CNTNAP2: variants seen among roughly 807,000 people sequenced by gnomAD.
CNTNAP2 encodes contactin associated protein 2.
CNTNAP2 carries 98 observed loss-of-function variants against 155.2 expected under a neutral mutation model. That is an observed-to-expected ratio of 0.63 (90% CI 0.54 to 0.75). CNTNAP2 has a LOEUF of 0.75. CNTNAP2 is among the 30% of genes least tolerant of loss of function. The pLI is 0.00. For synonymous variants in CNTNAP2, 651 were observed against 631.2 expected (o/e 1.03, Z -0.47); for missense variants, 1,727 against 1,688.1 (o/e 1.02, Z -0.40).
intron 8 of CNTNAP2, among the ~76,000 whole-genome samples, chr7:147,290,645 T>C (rs1352945351): frequency 7.4e-6 from 1 of 136,002 alleles, no homozygotes; most frequent in Non-Finnish European, 1.5e-5. Context: ...ATTGCACCAC[T>C]GCACTCCAGC....
intron 9 of CNTNAP2, among the ~76,000 whole-genome samples, chr7:147,370,729 C>T (rs1212547251): frequency 5.3e-5 from 8 of 152,092 alleles, no homozygotes; most frequent in Non-Finnish European, 1.0e-4. Context: ...GACTTCCTGA[C>T]TACTGTCTTT....
At chr7:147,904,025 A>T (rs1051598370) in intron 14 of CNTNAP2, among the ~76,000 whole-genome samples, 42 of 152,306 alleles carry the variant, frequency 2.8e-4, no homozygotes, top group African/African-American at 8.7e-4. Context: ...TGTGCTGTGT[A>T]ACAATAGAGG....
intron 3 of CNTNAP2, among the ~76,000 whole-genome samples, chr7:146,906,737 C>G (rs986147373): frequency 2.6e-5 from 4 of 152,158 alleles, no homozygotes; most frequent in African/African-American, 9.7e-5. Context: ...CTCTAAAACG[C>G]AGAACACCTC....
At chr7:147,133,505 C>T (rs1801418228) in intron 8 of CNTNAP2, among the ~76,000 whole-genome samples, 1 of 151,930 alleles carries the variant, frequency 6.6e-6, no homozygotes, top group African/African-American at 2.4e-5. Flanking sequence ...GTTTCTAACA[C>T]ACTATGATTT....
rs146201964 is a variant in CNTNAP2 at position 147,128,768 on chromosome 7, A to G, written c.1015A>G (p.Ser339Gly). The G allele has an allele frequency of 6.2e-7, 1 of 1,614,146 alleles. No homozygotes were observed. Among genetic ancestry groups the G allele is most frequent in the East Asian group, 2.2e-5 (1 of 44,878 alleles). Residue 339 changes from serine to glycine, a missense_variant, in exon 7 of 24, where the codon AGC becomes GGC. Ser to Gly is a moderately conservative substitution (Grantham distance 56). Transcript: ENST00000361727. The part of the protein sequence containing the change: ...SRKNFKGCME[S>G]INYNGVNITD... The stretch of plus-strand genomic sequence containing the variant: ...AAAGAATTTCAAAGGCTGCATGGAA[A>G]GCATCAACTACAATGGCGTCAACAT...
intron 18 of CNTNAP2, among the ~76,000 whole-genome samples, chr7:148,198,148 G>A (rs1056685026): frequency 6.6e-6 from 1 of 152,204 alleles, no homozygotes; most frequent in Non-Finnish European, 1.5e-5. Context: ...ACTGACCCAA[G>A]CCTGTAGCGA....
chr7:146,737,487 A>G (rs1585066669), intron 1 of CNTNAP2, among the ~76,000 whole-genome samples: 1 of 152,108 alleles, frequency 6.6e-6, no homozygotes, highest in African/African-American at 2.4e-5. Context: ...TATGGGATGA[A>G]CTTTCTTAGA....
intron 5 of CNTNAP2, among the ~76,000 whole-genome samples, chr7:147,111,389 A>G (rs934823523): frequency 4.6e-5 from 7 of 152,114 alleles, no homozygotes; most frequent in Non-Finnish European, 8.8e-5. Context: ...CCATCTGTCA[A>G]TTTTTGCTTT....
chr7:148,403,652 C>G (rs952036854), intron 22 of CNTNAP2, among the ~76,000 whole-genome samples: 1 of 152,168 alleles, frequency 6.6e-6, no homozygotes, highest in African/African-American at 2.4e-5. Flanking sequence ...TTATCCATGT[C>G]TCAGTCATGT....
chr7:147,481,287 T>C (rs1798418463), intron 10 of CNTNAP2, among the ~76,000 whole-genome samples: 1 of 152,232 alleles, frequency 6.6e-6, no homozygotes, highest in African/African-American at 2.4e-5. Context: ...CCACTATCCC[T>C]GCTTAATTAA....
chr7:146,278,630 C>T (rs1228093184), intron 1 of CNTNAP2, among the ~76,000 whole-genome samples: 1 of 152,158 alleles, frequency 6.6e-6, no homozygotes, highest in African/African-American at 2.4e-5. Context: ...AGCACAGCTT[C>T]ACTCAAACAT....
rs145046324 is a variant in CNTNAP2 at position 146,523,165 on chromosome 7, T to A, written c.98-251106T>A. Reference sequence around the variant, plus strand: ...CTCCCTTCCCACGCTTTCCCCCAAGTCCCCAAAGTCCATTGGTTCATTCTT... The same window carrying A: ...CTCCCTTCCCACGCTTTCCCCCAAGACCCCAAAGTCCATTGGTTCATTCTT... On this transcript the variant is annotated intron_variant, in intron 1 of 23. Transcript: ENST00000361727. Among the ~76,000 whole-genome samples, 654 of 152,090 alleles carry A rather than the reference T, an allele frequency of 4.3e-3. 2 individuals are homozygous for A. Among genetic ancestry groups the A allele is most frequent in the African/African-American group, 0.013 (554 of 41,520 alleles).
intron 1 of CNTNAP2, among the ~76,000 whole-genome samples, chr7:146,293,194 A>AT (rs1328022303): frequency 2.6e-5 from 4 of 152,206 alleles, no homozygotes; most frequent in African/African-American, 9.6e-5. Context: ...AAGTCTTCAT[A>AT]TAGATGACAA....
intron 3 of CNTNAP2, among the ~76,000 whole-genome samples, chr7:146,946,480 A>T (rs1916939): frequency 0.36 from 55,267 of 151,966 alleles, 10,570 homozygotes; most frequent in Middle Eastern, 0.43. Flanking sequence ...ATCCAAAACA[A>T]AAATTTGATT....
intron 3 of CNTNAP2, among the ~76,000 whole-genome samples, chr7:147,005,065 A>G (rs1301157514): frequency 2.0e-5 from 3 of 152,190 alleles, no homozygotes; most frequent in African/African-American, 7.2e-5. Flanking sequence ...GTCTCTCCGG[A>G]GGCAGGATCA....
intron 3 of CNTNAP2, among the ~76,000 whole-genome samples, chr7:146,898,329 A>G (rs1398691071): frequency 6.6e-6 from 1 of 152,050 alleles, no homozygotes; most frequent in Non-Finnish European, 1.5e-5. Flanking sequence ...TTTCTTAGTG[A>G]GCACAAAAAT....
chr7:147,785,295 A>C (rs191132252), intron 13 of CNTNAP2, among the ~76,000 whole-genome samples: 15 of 152,316 alleles, frequency 9.8e-5, no homozygotes, highest in Non-Finnish European at 1.9e-4. Flanking sequence ...CTTCAAACTC[A>C]GGAAGCTCTG....
At chr7:148,145,888 G>C (rs2107847) in intron 16 of CNTNAP2, among the ~76,000 whole-genome samples, 33,307 of 152,120 alleles carry the variant, frequency 0.22, 4,129 homozygotes, top group African/African-American at 0.32. Flanking sequence ...TGTGTCCAAT[G>C]ACCACAGGTG....
Position 146,813,829 on chromosome 7 carries a change from G to C in CNTNAP2, c.209-25882G>C, listed in dbSNP as rs116195955. Among the ~76,000 whole-genome samples, 339 of 152,230 alleles carry C rather than the reference G, an allele frequency of 2.2e-3. 2 individuals carry two copies. The highest frequency in any genetic ancestry group is 7.9e-3 in the African/African-American group (329 of 41,546). ...TGTCATGGGAGAGACCCGGTGGGAA[G>C]TAATTGAATCATGGGGATGGTTACC... On this transcript the variant is annotated intron_variant, in intron 2 of 23. Coordinates refer to ENST00000361727, the MANE Select transcript of CNTNAP2 (RefSeq NM_014141.6).
Sources: gnomAD v4.1 joint callset for allele counts (sites outside exome capture counted in the v4.1 genomes callset) on GRCh38, gnomAD v4.1.1 for gene constraint, MANE v1.5 for transcripts, NCBI Gene and HGNC (gene_info 2026-07-23, HGNC 2026-07-21) for gene names.